Variants in DOCK1 observed in about 807,000 individuals in gnomAD.
DOCK1 encodes the protein dedicator of cytokinesis 1, also known as dedicator of cytokinesis protein 1.
In DOCK1, 138 loss-of-function variants were observed where a neutral mutation model predicts 262.7. The observed-to-expected ratio is 0.53, with a 90% CI of 0.46 to 0.61. DOCK1 has a LOEUF of 0.61. Among genes scored for constraint, DOCK1 ranks in the 20% least tolerant of loss-of-function variants. DOCK1 has a pLI of 0.00. For synonymous variants in DOCK1, 866 were observed against 867.4 expected (o/e 1.00, Z 0.03); for missense variants, 1,908 against 2,370.7 (o/e 0.80, Z 4.05).
At chr10:127,348,265 C>CTAAG (rs2063734405) in intron 31 of DOCK1, among the ~76,000 whole-genome samples, 1 of 152,080 alleles carries the variant, frequency 6.6e-6, no homozygotes, top group Non-Finnish European at 1.5e-5. Flanking sequence ...CAACAGAATT[C>CTAAG]TAAGCCTGAC....
intron 1 of DOCK1, among the ~76,000 whole-genome samples, chr10:126,932,505 G>A (rs1197340137): frequency 6.6e-6 from 1 of 152,206 alleles, no homozygotes; most frequent in Non-Finnish European, 1.5e-5. Context: ...AGGAGCATTG[G>A]AACACTGCAG....
chr10:127,395,349 C>T (rs1440796817), intron 38 of DOCK1, among the ~76,000 whole-genome samples: 3 of 152,150 alleles, frequency 2.0e-5, no homozygotes, highest in Non-Finnish European at 4.4e-5. Flanking sequence ...GCAGGTGTGG[C>T]GGCGCTCTTC....
chr10:126,983,570 C>G (rs1180653800), intron 4 of DOCK1, among the ~76,000 whole-genome samples: 1 of 152,110 alleles, frequency 6.6e-6, no homozygotes, highest in Non-Finnish European at 1.5e-5. Context: ...GCCTCTCTTT[C>G]TTGCATGAGC....
chr10:127,196,605 C>A (rs12248248), intron 27 of DOCK1, among the ~76,000 whole-genome samples: 1 of 78,350 alleles, frequency 1.3e-5, no homozygotes, highest in Non-Finnish European at 2.9e-5. Flanking sequence ...CCCCGCGGGG[C>A]GGAGGTGGGG....
intron 3 of DOCK1, 21 bp from the exon 4 acceptor site, chr10:126,981,897 G>GT (rs150683957): frequency 0.022 from 26,488 of 1,226,688 alleles, 144 homozygotes; most frequent in African/African-American, 0.087. Context: ...AAAAGCTACT[G>GT]TTTTTTTTTT....
At chr10:127,063,645 G>A (rs1273434424) in intron 23 of DOCK1, among the ~76,000 whole-genome samples, 4 of 152,158 alleles carry the variant, frequency 2.6e-5, no homozygotes, top group Admixed American at 2.6e-4. Context: ...ACTGAATTCA[G>A]TGGCATTTTA....
intron 27 of DOCK1, among the ~76,000 whole-genome samples, chr10:127,160,518 CT>C (rs2053507443): frequency 6.6e-6 from 1 of 152,190 alleles, no homozygotes; most frequent in Admixed American, 6.5e-5. Context: ...ATTTGCTGCT[CT>C]TTTAAATGCC....
chr10:127,004,749 C>T (rs1428809999), intron 10 of DOCK1, among the ~76,000 whole-genome samples: 8 of 128,024 alleles, frequency 6.2e-5, no homozygotes, highest in Admixed American at 3.1e-4. Context: ...ATCCTGTCCC[C>T]CCCAACGGCC....
At chr10:127,336,093 T>TAA (rs933974315) in intron 29 of DOCK1, among the ~76,000 whole-genome samples, 5 of 152,042 alleles carry the variant, frequency 3.3e-5, no homozygotes, top group African/African-American at 4.8e-5. Flanking sequence ...CCTCAGGTGA[T>TAA]CTGCCCGCCT....
At chr10:127,141,378 C>A (rs2051226418) in intron 27 of DOCK1, among the ~76,000 whole-genome samples, 1 of 152,108 alleles carries the variant, frequency 6.6e-6, no homozygotes, top group African/African-American at 2.4e-5. Context: ...CGTAATATTG[C>A]TAGAATTAAT....
At chr10:127,381,956 CGT>C (rs1398787817) in intron 37 of DOCK1, among the ~76,000 whole-genome samples, 25 of 111,120 alleles carry the variant, frequency 2.2e-4, no homozygotes, top group African/African-American at 3.4e-4. Context: ...TTTACAGTGA[CGT>C]ATGGATGGAT....
intron 34 of DOCK1, 88 bp downstream of exon 34, chr10:127,373,954 G>A: frequency 6.5e-7 from 1 of 1,530,656 alleles, no homozygotes. Context: ...TTGTAACCCA[G>A]AAATAATTAA....
chr10:127,139,504 A>G (rs2051020189), intron 27 of DOCK1, among the ~76,000 whole-genome samples: 2 of 152,206 alleles, frequency 1.3e-5, no homozygotes, highest in African/African-American at 4.8e-5. Context: ...TCTAATTTAT[A>G]GGAAGTAGAA....
intron 1 of DOCK1, among the ~76,000 whole-genome samples, chr10:126,912,777 G>GC (rs1834546912): frequency 6.6e-6 from 1 of 151,390 alleles, no homozygotes; most frequent in Non-Finnish European, 1.5e-5. Flanking sequence ...CTGGATAAGG[G>GC]CCTACCCTAC....
intron 27 of DOCK1, among the ~76,000 whole-genome samples, chr10:127,144,323 C>T (rs1377140677): frequency 6.6e-6 from 1 of 152,216 alleles, no homozygotes; most frequent in Non-Finnish European, 1.5e-5. Context: ...CATCCACACA[C>T]CTCTGGGATG....
intron 27 of DOCK1, among the ~76,000 whole-genome samples, chr10:127,227,404 G>C (rs2058684063): frequency 6.6e-6 from 1 of 152,204 alleles, no homozygotes; most frequent in South Asian, 2.1e-4. Flanking sequence ...CAGTGCCTCT[G>C]AGCTGCATCC....
rs1308249891 is a variant in DOCK1 at position 127,446,202 on chromosome 10, A to T, written c.5414-1192A>T. 3.9e-5 allele frequency among the ~76,000 whole-genome samples: 6 copies of T among 152,000 alleles called. No individual in the cohort carries two copies. Among genetic ancestry groups the T allele is most frequent in the Admixed American group, 3.9e-4 (6 of 15,258 alleles). On this transcript the variant is annotated intron_variant, in intron 50 of 51. Coordinates refer to ENST00000623213, the MANE Select transcript of DOCK1 (RefSeq NM_001290223.2). The surrounding 1 kb of genome is among the most constrained non-coding windows in gnomAD (Gnocchi z 4.4). ...GAGGCGGAGGTTGCAGTGAGCTGAG[A>T]TCGCACCACTGCACTCCAGCCTGGG...
intron 27 of DOCK1, among the ~76,000 whole-genome samples, chr10:127,129,436 T>C (rs2050171306): frequency 6.6e-6 from 1 of 152,260 alleles, no homozygotes; most frequent in South Asian, 2.1e-4. Context: ...CATTATTACA[T>C]AAACATAAAT....
intron 16 of DOCK1, among the ~76,000 whole-genome samples, chr10:127,029,016 C>G (rs2043064896): frequency 6.6e-6 from 1 of 152,244 alleles, no homozygotes; most frequent in African/African-American, 2.4e-5. Flanking sequence ...CTCATTCTCT[C>G]TAATTAATAA....
Sources: allele counts gnomAD v4.1 joint callset (sites outside exome capture counted in the v4.1 genomes callset), GRCh38; gene constraint gnomAD v4.1.1; non-coding constraint Gnocchi (gnomAD v3.1); transcripts MANE v1.5; gene names NCBI Gene and HGNC (gene_info 2026-07-23, HGNC 2026-07-21).